AQP2: variants seen among roughly 807,000 people sequenced by gnomAD.
AQP2 encodes the protein aquaporin 2.
A neutral mutation model predicts 21.6 loss-of-function variants in AQP2; 20 were observed. That is an observed-to-expected ratio of 0.92 (90% CI 0.65 to 1.34). AQP2 has a LOEUF of 1.34. Among genes scored for constraint, AQP2 ranks in the 40% most tolerant of loss-of-function variants. The pLI is 0.00. For missense variants in AQP2, 325 were observed against 363.4 expected, an observed-to-expected ratio of 0.89 and a Z score of 0.86; for synonymous variants, 168 against 166.9, an observed-to-expected ratio of 1.01 and a Z score of -0.05.
intron 1 of AQP2, among the ~76,000 whole-genome samples, chr12:49,953,426 C>T (rs531261687): frequency 1.3e-5 from 2 of 152,286 alleles, no homozygotes; most frequent in Admixed American, 1.3e-4. Context: ...TACTCAGCCC[C>T]GAGTTCTCTC....
chr12:49,953,929 C>A (rs1204936082), intron 1 of AQP2, among the ~76,000 whole-genome samples: 2 of 152,104 alleles, frequency 1.3e-5, no homozygotes, highest in Non-Finnish European at 2.9e-5. Context: ...AGTTTTGCTA[C>A]CTCTGGCGGG....
At chr12:49,955,180 GAC>G (rs1212169850) in intron 3 of AQP2, among the ~76,000 whole-genome samples, 2 of 152,196 alleles carry the variant, frequency 1.3e-5, no homozygotes, top group African/African-American at 4.8e-5. Flanking sequence ...GTGGAATCAG[GAC>G]ACACACAGGC....
chr12:49,958,855 A>G lies in AQP2; in HGVS notation c.*3247A>G, dbSNP rs142405052. Reference sequence around the variant, plus strand: ...TTCAACTGCTCTGCATATAATAAGCACTCAATAAATGCTCATTTGCCAATA... The same window carrying G: ...TTCAACTGCTCTGCATATAATAAGCGCTCAATAAATGCTCATTTGCCAATA... On this transcript the variant is annotated 3_prime_UTR_variant, in exon 4 of 4. Coordinates refer to ENST00000199280, the MANE Select transcript of AQP2 (RefSeq NM_000486.6). 31 of 152,270 alleles carry G rather than the reference A, an allele frequency of 2.0e-4. No homozygotes were observed. In the East Asian group the frequency reaches 5.4e-3, roughly 27 times the overall value. The allele number at this position is 152,270 out of a possible 1,614,324, so 9.4% of individuals were successfully genotyped here.
Position 49,958,133 on chromosome 12 carries a change from G to C in AQP2, c.*2525G>C, listed in dbSNP as rs1432847919. ...TCTGATCTTCCTCAAACTTCAGATA[G>C]GTTAGGGAAGGACAAAGGCCCCCAG... On this transcript the variant is annotated 3_prime_UTR_variant, in exon 4 of 4. Coordinates refer to ENST00000199280, the MANE Select transcript of AQP2 (RefSeq NM_000486.6). 1 of 152,212 alleles carries C rather than the reference G, an allele frequency of 6.6e-6. No individual in the cohort carries two copies. The highest frequency in any genetic ancestry group is 1.5e-5 in the Non-Finnish European group (1 of 68,048). The allele number at this position is 152,212 out of a possible 1,614,324, so 9.4% of individuals were successfully genotyped here.
rs1308492971 is a variant in AQP2, at chr12:49,951,015, T to A, written c.185T>A (p.Ile62Lys). ...IGTLVQALGHISGAHINPAVT... is the reference protein window; with the variant it reads ...IGTLVQALGHKSGAHINPAVT... ...ACCCTGGTACAGGCTCTGGGCCACA[T>A]AAGCGGGGCCCACATCAACCCTGCC... Residue 62 changes from isoleucine to lysine, a missense_variant, in exon 1 of 4, where the codon ATA becomes AAA. Transcript: ENST00000199280. 2 of 1,613,908 alleles carry A rather than the reference T, an allele frequency of 1.2e-6. No individual in the cohort carries two copies. Among genetic ancestry groups the A allele is most frequent in the Admixed American group, 1.7e-5 (1 of 60,012 alleles).
rs1000323629 is a variant in AQP2, at chr12:49,954,805, G to C, written c.606+95G>C. The C allele has an allele frequency of 3.1e-5, 44 of 1,419,038 alleles. No homozygotes were observed. The Middle Eastern group carries it at 1.4e-3, about 46-fold the overall frequency. 87.9% of individuals were successfully genotyped at this position (1,419,038 alleles called of 1,614,324 possible). ...TAGCATGGGATGGGGGCTCAGCAGC[G>C]GTACCCCAAACCCTCCACACTCCTC... On this transcript the variant is annotated intron_variant, in intron 3 of 3. Coordinates refer to ENST00000199280, the MANE Select transcript of AQP2 (RefSeq NM_000486.6).
chr12:49,957,037 C>T lies in AQP2; in HGVS notation c.*1429C>T, dbSNP rs1947375594. 1 of 152,668 alleles carries T rather than the reference C, an allele frequency of 6.6e-6. No homozygotes were observed. Among genetic ancestry groups the T allele is most frequent in the Non-Finnish European group, 1.5e-5 (1 of 68,048 alleles). The allele number at this position is 152,668 out of a possible 1,614,324, so 9.5% of individuals were successfully genotyped here. On this transcript the variant is annotated 3_prime_UTR_variant, in exon 4 of 4. Transcript: ENST00000199280. ...TTAACTGGGATTAAGTGAGATGACGCATGTAAAGATGCTGTGTAAACTGTA... is the reference window on the plus strand; with the variant it reads ...TTAACTGGGATTAAGTGAGATGACGTATGTAAAGATGCTGTGTAAACTGTA...
In AQP2 at chr12:49,955,659, C is replaced by G; in HGVS notation, c.*51C>G. The G allele has an allele frequency of 2.6e-6, 4 of 1,522,924 alleles. No homozygotes were observed. Among genetic ancestry groups the G allele is most frequent in the Non-Finnish European group, 2.6e-6 (3 of 1,136,724 alleles). The allele number at this position is 1,522,924 out of a possible 1,614,324, so 94.3% of individuals were successfully genotyped here. A position where few individuals can be genotyped will look rare whatever the true frequency, so the allele number is the denominator to read the frequency against. ...CGACGGACGCTTGTGAGGCCCGAGG[C>G]AGAAGGGCCCACCCCGTCCCTCCTC... On this transcript the variant is annotated 3_prime_UTR_variant, in exon 4 of 4. Coordinates refer to ENST00000199280, the MANE Select transcript of AQP2 (RefSeq NM_000486.6).
intron 1 of AQP2, among the ~76,000 whole-genome samples, chr12:49,953,260 G>A (rs922179653): frequency 1.3e-5 from 2 of 152,212 alleles, no homozygotes; most frequent in African/African-American, 4.8e-5. Flanking sequence ...CAGGGGTGGG[G>A]GTTCAGGGCC....
rs750321982 is a variant in AQP2 at position 49,955,489 on chromosome 12, C to G, written c.697C>G (p.Arg233Gly). Residue 233 changes from arginine to glycine, a missense_variant, in exon 4 of 4, where the codon CGC becomes GGC. Coordinates refer to ENST00000199280, the MANE Select transcript of AQP2 (RefSeq NM_000486.6). ...LFPPAKSLSE[R>G]LAVLKGLEPD... Reference sequence around the variant, plus strand: ...TCCGCCAGCCAAGAGCCTGTCGGAGCGCCTGGCAGTGCTGAAGGGCCTGGA... The same window carrying G: ...TCCGCCAGCCAAGAGCCTGTCGGAGGGCCTGGCAGTGCTGAAGGGCCTGGA... 6.2e-7 allele frequency: 1 copy of G among 1,612,832 alleles called. No homozygotes were observed. The highest frequency in any genetic ancestry group is 1.1e-5 in the South Asian group (1 of 91,070).
intron 1 of AQP2, chr12:49,951,393 GA>G: frequency 1.3e-6 from 1 of 746,726 alleles, no homozygotes; most frequent in Non-Finnish European, 2.1e-6. Context: ...GCAGGATGCA[GA>G]CAGACTGCTG....
intron 1 of AQP2, chr12:49,951,654 C>T (rs114022843): frequency 2.5e-3 from 411 of 163,420 alleles, no homozygotes; most frequent in African/African-American, 9.1e-3. Context: ...AGGCCAGGCA[C>T]GGACACACCA....
rs147039983 is a variant in AQP2 at position 49,954,642 on chromosome 12, G to C, written c.538G>C (p.Gly180Arg). Residue 180 changes from glycine to arginine, a missense_variant, in exon 3 of 4, where the codon GGC becomes CGC. Coordinates refer to ENST00000199280, the MANE Select transcript of AQP2 (RefSeq NM_000486.6). ...LGHLLGIHYTGCSMNPARSLA... is the reference protein window; with the variant it reads ...LGHLLGIHYTRCSMNPARSLA... ...CCTCCCACTGCAGATCCATTACACC[G>C]GCTGCTCTATGAATCCTGCCCGCTC... The C allele has an allele frequency of 5.3e-5, 85 of 1,614,002 alleles. No individual in the cohort carries two copies. The highest frequency in any genetic ancestry group is 6.0e-5 in the Non-Finnish European group (71 of 1,180,038).
chr12:49,955,678 C>A lies in AQP2; in HGVS notation c.*70C>A, dbSNP rs1423090900. On this transcript the variant is annotated 3_prime_UTR_variant, in exon 4 of 4. Transcript: ENST00000199280. The stretch of plus-strand genomic sequence containing the variant: ...CCGAGGCAGAAGGGCCCACCCCGTC[C>A]CTCCTCTCCCGCAGGTCTGAAGTTG... The A allele has an allele frequency of 4.5e-5, 68 of 1,503,334 alleles. No homozygotes were observed. The highest frequency in any genetic ancestry group is 6.1e-5 in the Non-Finnish European group (68 of 1,119,726). 93.1% of individuals were successfully genotyped at this position (1,503,334 alleles called of 1,614,324 possible).
Position 49,956,623 on chromosome 12 carries a change from G to T in AQP2, c.*1015G>T, listed in dbSNP as rs1214924097. 1 of 152,146 alleles carries T rather than the reference G, an allele frequency of 6.6e-6. No homozygotes were observed. Among genetic ancestry groups the T allele is most frequent in the African/African-American group, 2.4e-5 (1 of 41,410 alleles). The allele number at this position is 152,146 out of a possible 1,614,324, so 9.4% of individuals were successfully genotyped here. On this transcript the variant is annotated 3_prime_UTR_variant, in exon 4 of 4. Coordinates refer to ENST00000199280, the MANE Select transcript of AQP2 (RefSeq NM_000486.6). ...CCCGGGCCTTTGTCTTGGGTGAGGGGAGATTTGCACCTAGACACTTCTTGA... is the reference window on the plus strand; with the variant it reads ...CCCGGGCCTTTGTCTTGGGTGAGGGTAGATTTGCACCTAGACACTTCTTGA...
rs1007449277 is a variant in AQP2, at chr12:49,958,743, T to C, written c.*3135T>C. On this transcript the variant is annotated 3_prime_UTR_variant, in exon 4 of 4. Transcript: ENST00000199280. ...TATCTTTAAGCTGTGATGTTGTATA[T>C]ATACAATGCCTCCCAGCTAGACTGT... is the stretch of plus-strand genomic sequence containing the variant. 6.6e-6 allele frequency: 1 copy of C among 152,266 alleles called. No individual in the cohort carries two copies. The highest frequency in any genetic ancestry group is 2.4e-5 in the African/African-American group (1 of 41,474). The allele number at this position is 152,266 out of a possible 1,614,324, so 9.4% of individuals were successfully genotyped here. A position where few individuals can be genotyped will look rare whatever the true frequency, so the allele number is the denominator to read the frequency against.
intron 1 of AQP2, among the ~76,000 whole-genome samples, chr12:49,953,910 T>TACAGAGTCAGTTTTG (rs1413289370): frequency 6.6e-6 from 1 of 152,076 alleles, no homozygotes; most frequent in African/African-American, 2.4e-5. Context: ...TCTAATGGGC[T>TACAGAGTCAGTTTTG]ACAGAGTCAG....
rs146303154 is a variant in AQP2, at chr12:49,954,759, G to A, written c.606+49G>A. 1.9e-6 allele frequency: 3 copies of A among 1,576,634 alleles called. No homozygotes were observed. The African/African-American group carries it at 4.0e-5, about 21-fold the overall frequency. On this transcript the variant is annotated intron_variant, in intron 3 of 3. Transcript: ENST00000199280. ...TCCCCTTCTCTAGAAACCCATTTTA[G>A]AGGGAGAACAAGAGCTGGAATAGCA... is the stretch of plus-strand genomic sequence containing the variant.
Position 49,955,558 on chromosome 12 carries a change from T to C in AQP2, c.766T>C (p.Ser256Pro). 1 of 1,600,836 alleles carries C rather than the reference T, an allele frequency of 6.2e-7. No homozygotes were observed. The highest frequency in any genetic ancestry group is 8.5e-7 in the Non-Finnish European group (1 of 1,176,228). Residue 256 changes from serine to proline, a missense_variant, in exon 4 of 4, where the codon TCG becomes CCG. Coordinates refer to ENST00000199280, the MANE Select transcript of AQP2 (RefSeq NM_000486.6). Reference protein sequence around the residue: ...WEEREVRRRQSVELHSPQSLP... With the variant: ...WEEREVRRRQPVELHSPQSLP... Reference sequence around the variant, plus strand: ...GGAGCGCGAGGTGCGACGGCGGCAGTCGGTGGAGCTGCACTCGCCGCAGAG... The same window carrying C: ...GGAGCGCGAGGTGCGACGGCGGCAGCCGGTGGAGCTGCACTCGCCGCAGAG...
Sources: gnomAD v4.1 joint callset for allele counts (sites outside exome capture counted in the v4.1 genomes callset) on GRCh38, gnomAD v4.1.1 for gene constraint, MANE v1.5 for transcripts, NCBI Gene and HGNC (gene_info 2026-07-23, HGNC 2026-07-21) for gene names.